Variants in DRC3 observed in about 807,000 individuals in gnomAD.
DRC3 encodes the protein leucine rich repeat containing 48.
Under a neutral mutation model 57.6 loss-of-function variants are expected in DRC3, and 45 were observed. The ratio of observed to expected loss-of-function variants is 0.78; its 90% CI spans 0.62 to 1.00. DRC3 has a LOEUF of 1.00. DRC3 is among the 50% of genes least tolerant of loss of function. The pLI, the probability that DRC3 is intolerant of heterozygous loss-of-function variation, is 0.00. For missense variants in DRC3, 655 were observed against 675.2 expected, an observed-to-expected ratio of 0.97 and a Z score of 0.33; for synonymous variants, 257 against 272.3, an observed-to-expected ratio of 0.94 and a Z score of 0.55.
chr17:17,997,250 C>T (rs764872342), intron 8 of DRC3, among the ~76,000 whole-genome samples: 9 of 152,186 alleles, frequency 5.9e-5, no homozygotes, highest in Non-Finnish European at 1.0e-4. Context: ...TGGGGATGCA[C>T]CAAACACACA....
chr17:18,004,309 A>G (rs1044842482), intron 9 of DRC3, 54 bp from the exon 10 acceptor site: 39 of 1,549,772 alleles, frequency 2.5e-5, no homozygotes, highest in Non-Finnish European at 3.2e-5. Flanking sequence ...GCCACCTGCC[A>G]TTATCTAATT....
chr17:18,000,194 C>T (rs11651185), intron 9 of DRC3, among the ~76,000 whole-genome samples: 1 of 63,828 alleles, frequency 1.6e-5, no homozygotes, highest in Non-Finnish European at 3.2e-5. Flanking sequence ...TTGCTTTCCT[C>T]TGTGTGTGTG....
At chr17:17,994,553 C>G in intron 7 of DRC3, 135 bp downstream of exon 7, 1 of 1,253,228 alleles carries the variant, frequency 8.0e-7, no homozygotes, top group Non-Finnish European at 1.1e-6. Context: ...GGGCCTGATG[C>G]CCTCTCCCTT....
chr17:17,993,109 C>T (rs1273426075), intron 6 of DRC3, 198 bp downstream of exon 6: 4 of 584,304 alleles, frequency 6.8e-6, no homozygotes, highest in African/African-American at 1.9e-5. Flanking sequence ...GTTTTGTGTG[C>T]GTTCCCAGGG....
chr17:17,999,914 CTGTG>C (rs147338372), intron 9 of DRC3, among the ~76,000 whole-genome samples: 4 of 151,530 alleles, frequency 2.6e-5, no homozygotes, highest in Non-Finnish European at 4.4e-5. Context: ...TCCTGTATCT[CTGTG>C]TGTGTGTGTG....
intron 8 of DRC3, among the ~76,000 whole-genome samples, chr17:17,996,937 G>C (rs1218226951): frequency 6.6e-6 from 1 of 152,156 alleles, no homozygotes; most frequent in East Asian, 1.9e-4. Flanking sequence ...GAGGTGAAGT[G>C]ACTTGCCAGG....
chr17:18,012,370 C>A (rs2044199107), intron 12 of DRC3, among the ~76,000 whole-genome samples: 1 of 152,126 alleles, frequency 6.6e-6, no homozygotes, highest in South Asian at 2.1e-4. Flanking sequence ...AAAAATGGAT[C>A]TAAGACCTAC....
chr17:18,006,137 T>C (rs954131545), intron 10 of DRC3, 46 bp from the exon 11 acceptor site: 3 of 1,429,796 alleles, frequency 2.1e-6, no homozygotes, highest in Admixed American at 1.8e-5. Context: ...TGCTCTGTGC[T>C]GGACATCTAA....
At chr17:17,981,888 A>G (rs1377104919) in intron 3 of DRC3, among the ~76,000 whole-genome samples, 4 of 151,454 alleles carry the variant, frequency 2.6e-5, no homozygotes, top group Non-Finnish European at 4.4e-5. Flanking sequence ...GTGTTTTTCC[A>G]TGTTGGCCAG....
chr17:18,003,385 CTG>C (rs1461335328), intron 9 of DRC3, among the ~76,000 whole-genome samples: 1 of 141,036 alleles, frequency 7.1e-6, no homozygotes, highest in Non-Finnish European at 1.5e-5. Flanking sequence ...ACTCAGGAGA[CTG>C]AGGCAGAGAA....
chr17:18,001,959 G>A (rs569098325), intron 9 of DRC3, among the ~76,000 whole-genome samples: 1 of 130,818 alleles, frequency 7.6e-6, no homozygotes, highest in Non-Finnish European at 1.6e-5. Flanking sequence ...CTGAGGGCCG[G>A]GAGTTTGAGA....
chr17:18,016,827 CA>C lies in DRC3; in HGVS notation c.*160del. The C allele has an allele frequency of 2.1e-6, 1 of 483,388 alleles. No homozygotes were observed. Among genetic ancestry groups the C allele is most frequent in the Non-Finnish European group, 3.7e-6 (1 of 270,448 alleles). 29.9% of individuals were successfully genotyped at this position (483,388 alleles called of 1,614,324 possible). On this transcript the variant is annotated 3_prime_UTR_variant, in exon 14 of 14. Transcript: ENST00000399187. ...CTTCCCCCACCCCTGGAAAAACTTC[CA>C]AAAGTAGAGAAAATAAAGGACTCAT...
chr17:17,988,243 T>C, intron 5 of DRC3, 145 bp downstream of exon 5: 1 of 865,942 alleles, frequency 1.2e-6, no homozygotes, highest in African/African-American at 1.7e-5. Flanking sequence ...TCTGGATTAC[T>C]CCATGAGGGA....
At chr17:17,988,368 A>C in intron 5 of DRC3, 1 of 453,160 alleles carries the variant, frequency 2.2e-6, no homozygotes, top group Non-Finnish European at 4.0e-6. Context: ...TTTAACAAAC[A>C]TTTGCTGAGG....
chr17:18,011,758 G>T, intron 12 of DRC3: 2 of 198,034 alleles, frequency 1.0e-5, no homozygotes, highest in South Asian at 2.0e-4. Context: ...GTAATTCACT[G>T]ACCATCTTGT....
At position 18,007,108 on chromosome 17, in the gene DRC3, G is replaced by A. The variant is rs1342085414; in HGVS notation, c.1287G>A (p.Glu429=). The A allele has an allele frequency of 7.5e-7, 1 of 1,326,588 alleles. No homozygotes were observed. Among genetic ancestry groups the A allele is most frequent in the Admixed American group, 2.3e-5 (1 of 43,442 alleles). The allele number at this position is 1,326,588 out of a possible 1,614,324, so 82.2% of individuals were successfully genotyped here. The change falls in exon 12 of 14, where the codon GAG becomes GAA. Residue 429 remains glutamate (E), a synonymous_variant. Coordinates refer to ENST00000399187, the MANE Select transcript of DRC3 (RefSeq NM_031294.4). ...ISISTLEKIV[E]GDLDEDLPND... is the part of the protein sequence containing the mutation. ...TCAGCACCCTGGAGAAGATTGTCGA[G>A]GGCGACCTGGACGAGGACCTGCCTA...
intron 5 of DRC3, among the ~76,000 whole-genome samples, chr17:17,988,689 C>T (rs2043081077): frequency 6.6e-6 from 1 of 152,174 alleles, no homozygotes; most frequent in African/African-American, 2.4e-5. Flanking sequence ...ACCCATCAAC[C>T]CTGGGGGCTG....
intron 4 of DRC3, among the ~76,000 whole-genome samples, chr17:17,985,377 C>A (rs1158901703): frequency 6.6e-6 from 1 of 152,244 alleles, no homozygotes; most frequent in East Asian, 1.9e-4. Flanking sequence ...GCAGTGAGGG[C>A]AGGCTCTGTT....
intron 4 of DRC3, among the ~76,000 whole-genome samples, chr17:17,985,788 C>G (rs1032825968): frequency 1.3e-5 from 2 of 152,144 alleles, no homozygotes; most frequent in African/African-American, 4.8e-5. Context: ...GCTAAGCCTC[C>G]CAAGAACAGA....
Sources: allele counts gnomAD v4.1 joint callset (sites outside exome capture counted in the v4.1 genomes callset), GRCh38; gene constraint gnomAD v4.1.1; transcripts MANE v1.5; gene names NCBI Gene and HGNC (gene_info 2026-07-23, HGNC 2026-07-21).